UBE2E1: variants seen among roughly 807,000 people sequenced by gnomAD.
UBE2E1 encodes ubiquitin-conjugating enzyme E2 E1.
A neutral mutation model predicts 21.4 loss-of-function variants in UBE2E1; 6 were observed. The ratio of observed to expected loss-of-function variants is 0.28; its 90% CI spans 0.15 to 0.55. The LOEUF is 0.55. Ranked by LOEUF, UBE2E1 falls within the 20% of genes least tolerant of loss-of-function variation. UBE2E1 has a pLI of 0.93. For synonymous variants in UBE2E1, 87 were observed against 82.7 expected, an observed-to-expected ratio of 1.05 and a Z score of -0.28; for missense variants, 142 against 236.5, an observed-to-expected ratio of 0.60 and a Z score of 2.62.
chr3:23,822,356 G>A (rs952291781), intron 3 of UBE2E1, among the ~76,000 whole-genome samples: 5 of 152,122 alleles, frequency 3.3e-5, no homozygotes, highest in Non-Finnish European at 7.4e-5. Flanking sequence ...GTGATCTGGT[G>A]TTATCTACTT....
At chr3:23,888,149 C>G (rs908758122) in intron 4 of UBE2E1, 1 of 451,624 alleles carries the variant, frequency 2.2e-6, no homozygotes, top group African/African-American at 2.0e-5. Flanking sequence ...GTCAGGGGGC[C>G]AAACAACTAG....
At position 23,806,708 on chromosome 3, in the gene UBE2E1, G is replaced by A. The variant is rs1699281974; in HGVS notation, c.-33-529G>A. ...GCCGGCCTCTCCCTTCCCCCACCCG[G>A]GCACCCGCTCCCCGCCTCCGTCCCC... On this transcript the variant is annotated intron_variant, in intron 1 of 5. Transcript: ENST00000306627. The surrounding 1 kb of genome is among the most constrained non-coding windows in gnomAD (Gnocchi z 6.5). The A allele has an allele frequency of 6.8e-6, 1 of 147,654 alleles. No individual in the cohort carries two copies. Among genetic ancestry groups the A allele is most frequent in the Admixed American group, 6.7e-5 (1 of 14,922 alleles). 9.1% of individuals were successfully genotyped at this position (147,654 alleles called of 1,614,324 possible). A position where few individuals can be genotyped will look rare whatever the true frequency, so the allele number is the denominator to read the frequency against.
At chr3:23,807,142 G>GC in intron 1 of UBE2E1, 95 bp from the exon 2 acceptor site, 1 of 1,042,316 alleles carries the variant, frequency 9.6e-7, no homozygotes. Flanking sequence ...GGCCGCGTGC[G>GC]CCCCTGGTCA....
rs566806604 is a variant in UBE2E1, at chr3:23,843,563, T to A, written c.203+32053T>A. ...AACTTTCAATAAATGAGATCTATAA[T>A]AATTTGCCTACTCCACTCTCACCTT... is the stretch of plus-strand genomic sequence containing the variant. On this transcript the variant is annotated intron_variant, in intron 3 of 5. Transcript: ENST00000306627. Among the ~76,000 whole-genome samples, 7 of 152,358 alleles carry A rather than the reference T, an allele frequency of 4.6e-5. No homozygotes were observed. The East Asian group carries it at 1.3e-3, about 29-fold the overall frequency.
At chr3:23,813,799 C>T (rs1699452970) in intron 3 of UBE2E1, among the ~76,000 whole-genome samples, 1 of 152,214 alleles carries the variant, frequency 6.6e-6, no homozygotes, top group African/African-American at 2.4e-5. Flanking sequence ...CCTTGGCCTC[C>T]CAAAGTGCTG....
At chr3:23,889,852 T>C (rs1575049898) in intron 5 of UBE2E1, 3 of 706,604 alleles carry the variant, frequency 4.2e-6, no homozygotes, top group African/African-American at 3.9e-5. Context: ...AGCATGTCAC[T>C]GCACTGCATT....
chr3:23,866,863 TA>T (rs1464630936), intron 3 of UBE2E1, among the ~76,000 whole-genome samples: 2 of 152,212 alleles, frequency 1.3e-5, no homozygotes. Context: ...AGAAATGAAA[TA>T]ATAAGGTAGG....
intron 3 of UBE2E1, among the ~76,000 whole-genome samples, chr3:23,828,967 A>G (rs925900513): frequency 2.0e-5 from 3 of 152,148 alleles, no homozygotes; most frequent in African/African-American, 7.2e-5. Flanking sequence ...GGATGGAAGG[A>G]GAGATTAGCA....
intron 3 of UBE2E1, among the ~76,000 whole-genome samples, chr3:23,812,979 A>T (rs1444254264): frequency 7.0e-6 from 1 of 143,756 alleles, no homozygotes; most frequent in African/African-American, 2.6e-5. Flanking sequence ...GAAGATTTTC[A>T]TGGGATTAAG....
intron 3 of UBE2E1, among the ~76,000 whole-genome samples, chr3:23,854,872 A>G (rs541604584): frequency 3.0e-4 from 45 of 152,342 alleles, no homozygotes; most frequent in African/African-American, 9.9e-4. Context: ...TAATGAAGAT[A>G]TAGATTAATT....
At chr3:23,820,851 G>A (rs754219404) in intron 3 of UBE2E1, among the ~76,000 whole-genome samples, 5 of 152,116 alleles carry the variant, frequency 3.3e-5, no homozygotes, top group African/African-American at 7.2e-5. Context: ...AAAATTGATC[G>A]ATGGAAAATT....
chr3:23,853,002 C>T lies in UBE2E1; in HGVS notation c.204-34565C>T, dbSNP rs1031693949. Among the ~76,000 whole-genome samples, 6 of 151,632 alleles carry T rather than the reference C, an allele frequency of 4.0e-5. No homozygotes were observed. The highest frequency in any genetic ancestry group is 1.9e-4 in the East Asian group (1 of 5,144). Reference sequence around the variant, plus strand: ...CATGATCTCGGCTCACCACAACTTACGCCTCCTGAGTTCAAGTGATTCTCC... The same window carrying T: ...CATGATCTCGGCTCACCACAACTTATGCCTCCTGAGTTCAAGTGATTCTCC... On this transcript the variant is annotated intron_variant, in intron 3 of 5. Transcript: ENST00000306627. This position sits in a 1 kb window ranked among gnomAD's most constrained non-coding sequence, Gnocchi z 4.1.
chr3:23,840,420 C>T (rs1041821427), intron 3 of UBE2E1, among the ~76,000 whole-genome samples: 1 of 152,156 alleles, frequency 6.6e-6, no homozygotes, highest in African/African-American at 2.4e-5. Context: ...TGAGCTTTGT[C>T]GTAAGGTGCA....
chr3:23,834,568 A>G (rs1699938646), intron 3 of UBE2E1, among the ~76,000 whole-genome samples: 1 of 152,016 alleles, frequency 6.6e-6, no homozygotes, highest in African/African-American at 2.4e-5. Context: ...TTTTTATTTA[A>G]AAAATGAAAA....
At chr3:23,834,453 T>A (rs1339592424) in intron 3 of UBE2E1, among the ~76,000 whole-genome samples, 1 of 152,238 alleles carries the variant, frequency 6.6e-6, no homozygotes, top group Non-Finnish European at 1.5e-5. Flanking sequence ...CTGTAGCATG[T>A]CCCATTACTC....
chr3:23,855,432 TA>T (rs1208372412), intron 3 of UBE2E1, among the ~76,000 whole-genome samples: 10 of 152,300 alleles, frequency 6.6e-5, no homozygotes, highest in African/African-American at 2.4e-4. Flanking sequence ...AGCAAAAATA[TA>T]GCTTTAGATT....
chr3:23,888,153 C>G, intron 4 of UBE2E1: 1 of 453,600 alleles, frequency 2.2e-6, no homozygotes, highest in Admixed American at 2.4e-5. Context: ...GGGGGCCAAA[C>G]AACTAGAGAA....
chr3:23,829,114 T>A lies in UBE2E1; in HGVS notation c.203+17604T>A, dbSNP rs564377063. On this transcript the variant is annotated intron_variant, in intron 3 of 5. Transcript: ENST00000306627. ...TTTGATTCTTGAAAATAAGTTCTTA[T>A]TTTTGATAAGATGGAGGATTATTAT... Among the ~76,000 whole-genome samples the A allele has an allele frequency of 5.0e-4, 76 of 151,606 alleles. No homozygotes were observed. In the South Asian group the frequency reaches 0.016, roughly 31 times the overall value.
rs1463030177 is a variant in UBE2E1, at chr3:23,853,344, CA to C, written c.204-34222del. Among the ~76,000 whole-genome samples the C allele has an allele frequency of 1.1e-4, 17 of 152,186 alleles. No individual in the cohort carries two copies. The highest frequency in any genetic ancestry group is 1.3e-4 in the Non-Finnish European group (9 of 68,024). On this transcript the variant is annotated intron_variant, in intron 3 of 5. Transcript: ENST00000306627. This position sits in a 1 kb window ranked among gnomAD's most constrained non-coding sequence, Gnocchi z 4.1. ...GGGTGGACATGTTTGTCTTGTTCCT[CA>C]TCTTAGTCCTCAGAAATCATTTTCT...
Sources: allele counts gnomAD v4.1 joint callset (sites outside exome capture counted in the v4.1 genomes callset), GRCh38; gene constraint gnomAD v4.1.1; non-coding constraint Gnocchi (gnomAD v3.1); transcripts MANE v1.5; gene names NCBI Gene and HGNC (gene_info 2026-07-23, HGNC 2026-07-21).